The following ADAMTS2 variants were observed in gnomAD, a reference collection of about 807,000 sequenced individuals.
ADAMTS2 encodes ADAM metallopeptidase with thrombospondin type 1 motif 2.
In ADAMTS2, 50 loss-of-function variants were observed where a neutral mutation model predicts 123.0. That is an observed-to-expected ratio of 0.41 (90% CI 0.32 to 0.51). The LOEUF (loss-of-function observed/expected upper bound fraction) is 0.51. Among genes scored for constraint, ADAMTS2 ranks in the 20% least tolerant of loss-of-function variants. The pLI is 0.35. For missense variants in ADAMTS2, 1,494 were observed against 1,705.2 expected, an observed-to-expected ratio of 0.88 and a Z score of 2.18; for synonymous variants, 678 against 695.4, an observed-to-expected ratio of 0.98 and a Z score of 0.39.
chr5:179,325,715 G>A (rs557767617), intron 2 of ADAMTS2, among the ~76,000 whole-genome samples: 20 of 152,392 alleles, frequency 1.3e-4, no homozygotes, highest in Admixed American at 7.2e-4. Context: ...CAGGACCCAC[G>A]GGGAGGGCGG....
chr5:179,275,766 A>G (rs1766678589), intron 2 of ADAMTS2, among the ~76,000 whole-genome samples: 1 of 152,204 alleles, frequency 6.6e-6, no homozygotes, highest in Non-Finnish European at 1.5e-5. Context: ...GTCAGGTTAT[A>G]CCGACTTCGG....
At chr5:179,167,818 G>A (rs1454648059) in intron 5 of ADAMTS2, among the ~76,000 whole-genome samples, 2 of 152,224 alleles carry the variant, frequency 1.3e-5, no homozygotes, top group African/African-American at 2.4e-5. Context: ...GGGGGCTTCC[G>A]CCCATGACAG....
At chr5:179,231,930 GA>G (rs1344332735) in intron 3 of ADAMTS2, among the ~76,000 whole-genome samples, 17 of 65,744 alleles carry the variant, frequency 2.6e-4, no homozygotes, top group Admixed American at 2.2e-3. Context: ...AAAAAAAAAA[GA>G]AAAAAGAAAA....
intron 13 of ADAMTS2, among the ~76,000 whole-genome samples, chr5:179,134,676 C>A (rs899560492): frequency 2.0e-5 from 3 of 152,196 alleles, no homozygotes; most frequent in Non-Finnish European, 4.4e-5. Flanking sequence ...CCTCCCGGCC[C>A]TGCCGAAGTC....
chr5:179,204,496 C>T (rs72818631), intron 4 of ADAMTS2, among the ~76,000 whole-genome samples: 9,895 of 152,312 alleles, frequency 0.065, 453 homozygotes, highest in South Asian at 0.11. Flanking sequence ...AAGGGCGAGA[C>T]GAGCATCTCC....
intron 5 of ADAMTS2, among the ~76,000 whole-genome samples, chr5:179,177,120 T>G (rs1326010752): frequency 6.6e-6 from 1 of 152,244 alleles, no homozygotes; most frequent in African/African-American, 2.4e-5. Context: ...TGCCAGTGAA[T>G]ATTCCCAGCA....
intron 19 of ADAMTS2, among the ~76,000 whole-genome samples, chr5:179,124,744 G>A (rs939303717): frequency 6.6e-6 from 1 of 152,220 alleles, no homozygotes; most frequent in African/African-American, 2.4e-5. Context: ...TGAGGACACG[G>A]GATCAGGGGA....
At chr5:179,154,294 C>T in intron 7 of ADAMTS2, 102 bp from the exon 8 acceptor site, 1 of 1,493,982 alleles carries the variant, frequency 6.7e-7, no homozygotes, top group Non-Finnish European at 9.0e-7. Flanking sequence ...CCCCAACGGG[C>T]CTCCTGACCT....
rs168773 is a variant in ADAMTS2, at chr5:179,202,360, T to A, written c.891+5153A>T. On this transcript the variant is annotated intron_variant, in intron 4 of 21. Coordinates refer to ENST00000251582, the MANE Select transcript of ADAMTS2 (RefSeq NM_014244.5). This position sits in a 1 kb window ranked among gnomAD's most constrained non-coding sequence, Gnocchi z 4.0. Reference sequence around the variant, plus strand: ...ACATCCTTCCGTTGTCGTGAGCCTCTGCTCCCGTGATATCTCCAGTGCACC... The same window carrying A: ...ACATCCTTCCGTTGTCGTGAGCCTCAGCTCCCGTGATATCTCCAGTGCACC... 0.54 allele frequency among the ~76,000 whole-genome samples: 82,296 copies of A among 151,538 alleles called. 22,828 individuals carry two copies. The highest frequency in any genetic ancestry group is 0.66 in the Middle Eastern group (193 of 294).
chr5:179,212,398 G>C (rs395608), intron 3 of ADAMTS2, among the ~76,000 whole-genome samples: 2 of 149,934 alleles, frequency 1.3e-5, no homozygotes, highest in Non-Finnish European at 3.0e-5. Context: ...GGGCTCTGTG[G>C]GCAGGTGTGG....
At chr5:179,288,392 T>C (rs1046459910) in intron 2 of ADAMTS2, among the ~76,000 whole-genome samples, 6 of 152,232 alleles carry the variant, frequency 3.9e-5, no homozygotes, top group Non-Finnish European at 8.8e-5. Context: ...AATCAGGCCA[T>C]ACCATCTGAC....
chr5:179,136,110 C>T, intron 12 of ADAMTS2, 68 bp from the exon 13 acceptor site: 2 of 1,611,730 alleles, frequency 1.2e-6, no homozygotes, highest in Non-Finnish European at 1.7e-6. Context: ...GCAAAGGAGG[C>T]ACCAAGCAGG....
At chr5:179,344,269 G>T in intron 1 of ADAMTS2, 108 bp from the exon 2 acceptor site, 1 of 1,406,944 alleles carries the variant, frequency 7.1e-7, no homozygotes. Context: ...GCGAAGGGAA[G>T]GGGCATTCCG....
chr5:179,329,240 T>C (rs1757412713), intron 2 of ADAMTS2, among the ~76,000 whole-genome samples: 1 of 149,776 alleles, frequency 6.7e-6, no homozygotes, highest in Non-Finnish European at 1.5e-5. Flanking sequence ...AGCAGGAGAA[T>C]GGCGTGAACC....
In ADAMTS2 at chr5:179,225,234, C is replaced by T. The variant is rs557818762; in HGVS notation, c.689-17519G>A. On this transcript the variant is annotated intron_variant, in intron 3 of 21. Transcript: ENST00000251582. The surrounding 1 kb of genome is among the most constrained non-coding windows in gnomAD (Gnocchi z 4.5). Reference sequence around the variant, plus strand: ...TCACCCACATCATGTGCGCTTCAGACAAAGGACTAATTTCCTTAATACATA... The same window carrying T: ...TCACCCACATCATGTGCGCTTCAGATAAAGGACTAATTTCCTTAATACATA... Among the ~76,000 whole-genome samples, 1 of 152,352 alleles carries T rather than the reference C, an allele frequency of 6.6e-6. No homozygotes were observed. Among genetic ancestry groups the T allele is most frequent in the Admixed American group, 6.5e-5 (1 of 15,296 alleles).
chr5:179,152,624 C>T (rs1390511178), intron 9 of ADAMTS2, among the ~76,000 whole-genome samples: 1 of 152,190 alleles, frequency 6.6e-6, no homozygotes, highest in African/African-American at 2.4e-5. Context: ...CACAGGCCTG[C>T]CCTCTCTGCA....
chr5:179,149,523 G>A (rs1025771350), intron 10 of ADAMTS2, among the ~76,000 whole-genome samples: 6 of 152,256 alleles, frequency 3.9e-5, no homozygotes, highest in African/African-American at 1.4e-4. Context: ...CAGGAACCAG[G>A]AGCCAGGAGG....
In ADAMTS2 at chr5:179,160,880, G is replaced by T. The variant is rs376801097; in HGVS notation, c.976-2001C>A. Reference sequence around the variant, plus strand: ...CAAAAGTGGGGCATGTCTCTTTTCGGTTGGAGCATCTAATTTCCCATTGAG... The same window carrying T: ...CAAAAGTGGGGCATGTCTCTTTTCGTTTGGAGCATCTAATTTCCCATTGAG... On this transcript the variant is annotated intron_variant, in intron 5 of 21. Coordinates refer to ENST00000251582, the MANE Select transcript of ADAMTS2 (RefSeq NM_014244.5). Among the ~76,000 whole-genome samples the T allele has an allele frequency of 1.1e-4, 17 of 152,262 alleles. No individual in the cohort carries two copies. In the East Asian group the frequency reaches 3.1e-3, roughly 28 times the overall value.
At position 179,132,794 on chromosome 5, in the gene ADAMTS2, C is replaced by T. The variant is rs1198528313; in HGVS notation, c.2192G>A (p.Arg731Gln). 1.2e-5 allele frequency: 20 copies of T among 1,614,022 alleles called. No homozygotes were observed. The highest frequency in any genetic ancestry group is 4.5e-5 in the East Asian group (2 of 44,894). ...CCACTCACCATGCTTCTTGGGTGAC[C>T]GTGTGAACGTGCCCTTGACCACTTT... The part of the protein sequence containing the change: ...HCKVVKGTFT[R>Q]SPKKHGYIKM... Residue 731 changes from arginine to glutamine, a missense_variant, in exon 14 of 22, where the codon CGG becomes CAG. Arg to Gln is a conservative substitution (Grantham distance 43). Transcript: ENST00000251582. The surrounding 1 kb of genome is among the most constrained non-coding windows in gnomAD (Gnocchi z 6.1).
Sources: allele counts gnomAD v4.1 joint callset (sites outside exome capture counted in the v4.1 genomes callset), GRCh38; gene constraint gnomAD v4.1.1; non-coding constraint Gnocchi (gnomAD v3.1); transcripts MANE v1.5; gene names NCBI Gene and HGNC (gene_info 2026-07-23, HGNC 2026-07-21).